Variants in TSHZ2 observed in about 807,000 individuals in gnomAD.
TSHZ2 encodes teashirt zinc finger homeobox 2.
In TSHZ2, 21 loss-of-function variants were observed where a neutral mutation model predicts 74.4. That is an observed-to-expected ratio of 0.28 (90% CI 0.20 to 0.41). TSHZ2 has a LOEUF of 0.41. Ranked by LOEUF, TSHZ2 falls within the 10% of genes least tolerant of loss-of-function variation. The probability of loss-of-function intolerance (pLI) is 1.00; values close to 1 mark genes in which losing one functional copy is unlikely to be tolerated. For missense variants in TSHZ2, 1,244 were observed against 1,293.5 expected (o/e 0.96, Z 0.59); for synonymous variants, 540 against 515.3 (o/e 1.05, Z -0.65).
intron 2 of TSHZ2, chr20:53,452,976 C>T (rs560821136): frequency 4.6e-5 from 7 of 152,150 alleles, no homozygotes; most frequent in East Asian, 1.9e-4. Context: ...CAGGTTGAGT[C>T]GGGAGATAAA....
chr20:53,433,060 C>A (rs901879510), intron 2 of TSHZ2, among the ~76,000 whole-genome samples: 17 of 152,150 alleles, frequency 1.1e-4, no homozygotes, highest in African/African-American at 4.1e-4. Flanking sequence ...TACTAGCTAC[C>A]TTTGCCCCTC....
intron 1 of TSHZ2, among the ~76,000 whole-genome samples, chr20:52,981,607 A>C (rs570258696): frequency 6.6e-6 from 1 of 152,294 alleles, no homozygotes; most frequent in South Asian, 2.1e-4. Flanking sequence ...GCTTGAAAGA[A>C]ACCAGATATG....
chr20:53,424,183 T>C (rs944893541), intron 2 of TSHZ2, among the ~76,000 whole-genome samples: 1 of 152,244 alleles, frequency 6.6e-6, no homozygotes, highest in African/African-American at 2.4e-5. Context: ...TTGTAGGTTA[T>C]GTGTAGGATG....
rs1048634485 is a variant in TSHZ2 at position 53,129,979 on chromosome 20, G to A, written c.41-123520G>A. ...TCGTTTTCCTCTCGGAATGGTAGCC[G>A]GCAAAAGGTGTTCTTAGAGATGGGG... On this transcript the variant is annotated intron_variant, in intron 1 of 2. Coordinates refer to ENST00000371497, the MANE Select transcript of TSHZ2 (RefSeq NM_173485.6). Among the ~76,000 whole-genome samples the A allele has an allele frequency of 3.3e-5, 5 of 151,682 alleles. No individual in the cohort carries two copies. In the East Asian group the frequency reaches 5.8e-4, roughly 18 times the overall value.
At chr20:53,024,024 C>A (rs953606044) in intron 1 of TSHZ2, among the ~76,000 whole-genome samples, 1 of 151,896 alleles carries the variant, frequency 6.6e-6, no homozygotes, top group Non-Finnish European at 1.5e-5. Flanking sequence ...TACAAATTGC[C>A]ATAAAGGGGA....
At chr20:53,128,116 A>T (rs1276496148) in intron 1 of TSHZ2, among the ~76,000 whole-genome samples, 1 of 149,468 alleles carries the variant, frequency 6.7e-6, no homozygotes, top group Non-Finnish European at 1.5e-5. Context: ...GATACTAAAG[A>T]AAATGTACAT....
At chr20:53,338,771 A>G (rs1425764730) in intron 2 of TSHZ2, among the ~76,000 whole-genome samples, 1 of 152,198 alleles carries the variant, frequency 6.6e-6, no homozygotes, top group African/African-American at 2.4e-5. Flanking sequence ...TCCAAATGTC[A>G]GGAGTACTCA....
chr20:52,992,397 G>T (rs1197691895), intron 1 of TSHZ2, among the ~76,000 whole-genome samples: 1 of 152,166 alleles, frequency 6.6e-6, no homozygotes, highest in Non-Finnish European at 1.5e-5. Context: ...CATGCACATG[G>T]CACTCGTGAA....
chr20:53,213,278 A>T (rs115478979), intron 1 of TSHZ2, among the ~76,000 whole-genome samples: 6 of 152,182 alleles, frequency 3.9e-5, no homozygotes, highest in Non-Finnish European at 8.8e-5. Context: ...TGCCTTGAAA[A>T]TTTCATGCAA....
At chr20:53,208,695 G>A (rs997037083) in intron 1 of TSHZ2, 4 of 152,146 alleles carry the variant, frequency 2.6e-5, no homozygotes, top group African/African-American at 4.8e-5. Context: ...TTTTACAGTC[G>A]AGAAAATGAG....
chr20:53,308,024 G>T (rs1039092323), intron 2 of TSHZ2, among the ~76,000 whole-genome samples: 1 of 152,156 alleles, frequency 6.6e-6, no homozygotes, highest in Non-Finnish European at 1.5e-5. Context: ...AGTGCATCCC[G>T]CTGTGTTTAT....
chr20:53,106,549 C>T (rs1160722901), intron 1 of TSHZ2, among the ~76,000 whole-genome samples: 57 of 150,992 alleles, frequency 3.8e-4, no homozygotes, highest in African/African-American at 1.3e-3. Context: ...GGACTACAGG[C>T]GCCCGCCACC....
intron 2 of TSHZ2, among the ~76,000 whole-genome samples, chr20:53,409,233 CTGTT>C (rs71990282): frequency 0.073 from 11,132 of 151,870 alleles, 475 homozygotes; most frequent in African/African-American, 0.091. Context: ...CAATAATGCT[CTGTT>C]TGTTTTTTTT....
intron 2 of TSHZ2, among the ~76,000 whole-genome samples, chr20:53,276,168 A>G (rs1055766627): frequency 2.0e-5 from 3 of 151,790 alleles, no homozygotes; most frequent in Non-Finnish European, 4.4e-5. Flanking sequence ...TTGTCTCATT[A>G]TTAGGCAAAT....
rs1376989039 is a variant in TSHZ2 at position 53,475,323 on chromosome 20, G to GCAAT, written c.*9-11817_*9-11814dup. Among the ~76,000 whole-genome samples the GCAAT allele has an allele frequency of 8.3e-4, 87 of 104,394 alleles. 2 individuals are homozygous for GCAAT. The highest frequency in any genetic ancestry group is 1.4e-3 in the Non-Finnish European group (76 of 52,744). 68.5% of individuals were successfully genotyped at this position (104,394 alleles called of 152,430 possible). On this transcript the variant is annotated intron_variant, in intron 2 of 2. Transcript: ENST00000371497. Reference sequence around the variant, plus strand: ...AACAAACTATCTCTCAGACCACAGTGCAATCAAACTAGAACTCAGGATTAA... The same window carrying GCAAT: ...AACAAACTATCTCTCAGACCACAGTGCAATCAATCAAACTAGAACTCAGGATTAA...
chr20:53,135,899 C>T (rs536921964), intron 1 of TSHZ2, among the ~76,000 whole-genome samples: 1 of 152,294 alleles, frequency 6.6e-6, no homozygotes, highest in East Asian at 1.9e-4. Context: ...GCCACCACAC[C>T]CAGACAATGT....
At chr20:53,044,990 C>CTT (rs1984175654) in intron 1 of TSHZ2, among the ~76,000 whole-genome samples, 1 of 152,178 alleles carries the variant, frequency 6.6e-6, no homozygotes, top group South Asian at 2.1e-4. Flanking sequence ...CAAGCCACTG[C>CTT]ACCCAGCCCT....
intron 1 of TSHZ2, among the ~76,000 whole-genome samples, chr20:53,038,209 A>G (rs1056912405): frequency 5.8e-5 from 8 of 138,754 alleles, no homozygotes; most frequent in African/African-American, 2.1e-4. Flanking sequence ...AAAAAAAAAA[A>G]AAAAAAAAAA....
rs184887421 is a variant in TSHZ2 at position 52,973,637 on chromosome 20, G to T, written c.40+304G>T. On this transcript the variant is annotated intron_variant, in intron 1 of 2. Transcript: ENST00000371497. ...GTTTCTTGCCTCTCGGGCCAAAGTCGGATTGAGGATTTGGGGTGCGGAGTA... is the reference window on the plus strand; with the variant it reads ...GTTTCTTGCCTCTCGGGCCAAAGTCTGATTGAGGATTTGGGGTGCGGAGTA... 9.9e-5 allele frequency among the ~76,000 whole-genome samples: 15 copies of T among 152,234 alleles called. No homozygotes were observed. The East Asian group carries it at 2.1e-3, about 22-fold the overall frequency.
Sources: allele counts gnomAD v4.1 joint callset (sites outside exome capture counted in the v4.1 genomes callset), GRCh38; gene constraint gnomAD v4.1.1; transcripts MANE v1.5; gene names NCBI Gene and HGNC (gene_info 2026-07-23, HGNC 2026-07-21).